The following CHSY3 variants were observed in gnomAD, a reference collection of about 807,000 sequenced individuals.
The protein encoded by CHSY3 is N-acetylgalactosaminyl-proteoglycan 3-beta-glucuronosyltransferase 3.
A neutral mutation model predicts 67.2 loss-of-function variants in CHSY3; 35 were observed. That is an observed-to-expected ratio of 0.52 (90% CI 0.40 to 0.69). The LOEUF is 0.69. CHSY3 is among the 30% of genes least tolerant of loss of function. The pLI, the probability that CHSY3 is intolerant of heterozygous loss-of-function variation, is 0.00. For synonymous variants in CHSY3, 474 were observed against 434.7 expected (o/e 1.09, Z -1.12); for missense variants, 1,069 against 1,138.5 (o/e 0.94, Z 0.88).
At chr5:130,119,452 G>A (rs187672859) in intron 2 of CHSY3, among the ~76,000 whole-genome samples, 208 of 152,192 alleles carry the variant, frequency 1.4e-3, no homozygotes, top group Non-Finnish European at 2.2e-3. Context: ...TTCATTACGC[G>A]TGTATTTAGT....
intron 2 of CHSY3, among the ~76,000 whole-genome samples, chr5:130,055,702 GCTGCTGCTGCTGCTGCTA>G (rs1765509474): frequency 6.6e-6 from 1 of 151,824 alleles, no homozygotes; most frequent in South Asian, 2.1e-4. Context: ...AGCAGCAGCA[GCTGCTGCTGCTGCTGCTA>G]CCACTGCCAC....
At chr5:129,995,493 T>C (rs1763508173) in intron 2 of CHSY3, among the ~76,000 whole-genome samples, 1 of 150,702 alleles carries the variant, frequency 6.6e-6, no homozygotes, top group South Asian at 2.1e-4. Context: ...ATCTGTGTAC[T>C]TTTTTTTTCT....
intron 2 of CHSY3, among the ~76,000 whole-genome samples, chr5:130,010,941 C>CT (rs80075150): frequency 0.58 from 88,010 of 151,702 alleles, 25,610 homozygotes; most frequent in East Asian, 0.61. Flanking sequence ...AATTAAAACC[C>CT]GAAAAGACCA....
chr5:129,985,611 T>G (rs1228115494), intron 2 of CHSY3, among the ~76,000 whole-genome samples: 1 of 152,202 alleles, frequency 6.6e-6, no homozygotes, highest in African/African-American at 2.4e-5. Flanking sequence ...GTAAATTCCT[T>G]TGTGCAGTAT....
rs907921026 is a variant in CHSY3, at chr5:129,904,719, G to C, written c.-111G>C. On this transcript the variant is annotated 5_prime_UTR_variant, in exon 1 of 3. Coordinates refer to ENST00000305031, the MANE Select transcript of CHSY3 (RefSeq NM_175856.5). ...GCCGGTGTCGGCGCCTAGGCGGCCG[G>C]CTGCGGCCGCGGCTGGGGGCGCAAA... 10 of 1,224,474 alleles carry C rather than the reference G, an allele frequency of 8.2e-6. No homozygotes were observed. The South Asian group carries it at 2.8e-4, about 35-fold the overall frequency. The allele number at this position is 1,224,474 out of a possible 1,614,324, so 75.9% of individuals were successfully genotyped here.
intron 2 of CHSY3, among the ~76,000 whole-genome samples, chr5:130,012,756 T>G (rs1210352331): frequency 6.6e-6 from 1 of 152,088 alleles, no homozygotes. Flanking sequence ...AGATGAGATT[T>G]GGGTGGGGGC....
At chr5:129,964,464 G>A (rs776355182) in intron 2 of CHSY3, among the ~76,000 whole-genome samples, 7 of 151,766 alleles carry the variant, frequency 4.6e-5, no homozygotes, top group East Asian at 1.9e-4. Flanking sequence ...AATTTTTCCC[G>A]AAGCTAGGGG....
intron 2 of CHSY3, among the ~76,000 whole-genome samples, chr5:130,057,958 C>T (rs1765591141): frequency 6.6e-6 from 1 of 152,028 alleles, no homozygotes; most frequent in Non-Finnish European, 1.5e-5. Flanking sequence ...GTTCAACTTT[C>T]TTCTCAGATG....
intron 2 of CHSY3, among the ~76,000 whole-genome samples, chr5:130,115,266 G>A (rs1400466868): frequency 6.6e-6 from 1 of 151,528 alleles, no homozygotes; most frequent in Non-Finnish European, 1.5e-5. Context: ...TAAATACAGA[G>A]AACATAATCA....
intron 2 of CHSY3, among the ~76,000 whole-genome samples, chr5:130,147,115 G>A (rs1769097771): frequency 6.6e-6 from 1 of 152,098 alleles, no homozygotes; most frequent in Admixed American, 6.6e-5. Flanking sequence ...TTATCTCATG[G>A]CAGTACTGCT....
At chr5:129,990,241 AG>A (rs1398175861) in intron 2 of CHSY3, among the ~76,000 whole-genome samples, 7 of 152,112 alleles carry the variant, frequency 4.6e-5, no homozygotes, top group Non-Finnish European at 1.0e-4. Flanking sequence ...AAATTAATCA[AG>A]GGATAGGATT....
rs774453267 is a variant in CHSY3 at position 130,184,344 on chromosome 5, A to G, written c.1202A>G (p.Tyr401Cys). ...CTTCATCCCAACAAAAGGCCTGCAT[A>G]CCAATACAGGCTGCATAATTACATG... is the stretch of plus-strand genomic sequence containing the variant. ...ITLHPNKRPA[Y>C]QYRLHNYMLS... The change falls in exon 3 of 3, where the codon TAC becomes TGC. Residue 401 changes from tyrosine to cysteine, a missense_variant. By Grantham distance (194) the Tyr-to-Cys change is radical. Transcript: ENST00000305031. 3 of 1,613,766 alleles carry G rather than the reference A, an allele frequency of 1.9e-6. No individual in the cohort carries two copies. The highest frequency in any genetic ancestry group is 2.7e-5 in the African/African-American group (2 of 74,932).
At chr5:130,117,422 G>A (rs560787772) in intron 2 of CHSY3, among the ~76,000 whole-genome samples, 3 of 152,252 alleles carry the variant, frequency 2.0e-5, no homozygotes, top group Non-Finnish European at 4.4e-5. Flanking sequence ...GTCAGGTTGT[G>A]GCAGAGCTGA....
chr5:130,107,476 C>T lies in CHSY3; in HGVS notation c.1087-76753C>T, dbSNP rs543687797. 2.6e-4 allele frequency among the ~76,000 whole-genome samples: 40 copies of T among 151,180 alleles called. 2 individuals are homozygous for T. The South Asian group carries it at 4.8e-3, about 18-fold the overall frequency. ...GTGTGTGTGTTCGTCTATATATATACTTTTTCAAATTTATTTTAATATATA... is the reference window on the plus strand; with the variant it reads ...GTGTGTGTGTTCGTCTATATATATATTTTTTCAAATTTATTTTAATATATA... On this transcript the variant is annotated intron_variant, in intron 2 of 2. Coordinates refer to ENST00000305031, the MANE Select transcript of CHSY3 (RefSeq NM_175856.5).
intron 2 of CHSY3, among the ~76,000 whole-genome samples, chr5:130,165,656 T>A (rs564456777): frequency 6.6e-6 from 1 of 152,160 alleles, no homozygotes; most frequent in South Asian, 2.1e-4. Context: ...AGGATTTAGA[T>A]CTTTTATATA....
Position 130,163,826 on chromosome 5 carries a change from A to T in CHSY3, c.1087-20403A>T, listed in dbSNP as rs181360661. 1.1e-3 allele frequency among the ~76,000 whole-genome samples: 167 copies of T among 152,148 alleles called. 1 individual carries two copies. The highest frequency in any genetic ancestry group is 6.8e-3 in the Middle Eastern group (2 of 294). On this transcript the variant is annotated intron_variant, in intron 2 of 2. Coordinates refer to ENST00000305031, the MANE Select transcript of CHSY3 (RefSeq NM_175856.5). The stretch of plus-strand genomic sequence containing the variant: ...AAAGCATTATAGTAAACACCAAACT[A>T]TGTGATATATTGAGCTCTGTGATAC...
At chr5:130,044,717 G>A (rs1458715950) in intron 2 of CHSY3, among the ~76,000 whole-genome samples, 1 of 152,096 alleles carries the variant, frequency 6.6e-6, no homozygotes, top group Non-Finnish European at 1.5e-5. Context: ...ATTTTTCTAA[G>A]TGAATGTTAG....
chr5:130,000,994 G>A (rs1316016949), intron 2 of CHSY3, among the ~76,000 whole-genome samples: 2 of 150,642 alleles, frequency 1.3e-5, no homozygotes, highest in African/African-American at 4.9e-5. Flanking sequence ...GGGTTCAAAC[G>A]ATTCTCCTGC....
chr5:130,113,903 C>T (rs1767676844), intron 2 of CHSY3, among the ~76,000 whole-genome samples: 1 of 152,072 alleles, frequency 6.6e-6, no homozygotes, highest in South Asian at 2.1e-4. Context: ...ATAAATAATT[C>T]CTTAAATTAT....
Sources: gnomAD v4.1 joint callset for allele counts (sites outside exome capture counted in the v4.1 genomes callset) on GRCh38, gnomAD v4.1.1 for gene constraint, MANE v1.5 for transcripts, NCBI Gene and HGNC (gene_info 2026-07-23, HGNC 2026-07-21) for gene names.